The following BMPR2 variants were observed in gnomAD, a reference collection of about 807,000 sequenced individuals.
BMPR2 encodes the protein bone morphogenetic protein receptor type-2.
In BMPR2, 29 loss-of-function variants were observed where a neutral mutation model predicts 100.8. The ratio of observed to expected loss-of-function variants is 0.29; its 90% CI spans 0.21 to 0.39. BMPR2 has a LOEUF of 0.39. Among genes scored for constraint, BMPR2 ranks in the 10% least tolerant of loss-of-function variants. The probability of loss-of-function intolerance (pLI) is 1.00; values close to 1 mark genes in which losing one functional copy is unlikely to be tolerated. For missense variants in BMPR2, 1,011 were observed against 1,274.5 expected (o/e 0.79, Z 3.15); for synonymous variants, 382 against 442.3 (o/e 0.86, Z 1.71).
At chr2:202,415,437 C>T (rs531934200) in intron 1 of BMPR2, among the ~76,000 whole-genome samples, 6 of 152,304 alleles carry the variant, frequency 3.9e-5, no homozygotes, top group African/African-American at 9.6e-5. Flanking sequence ...CGCCATTGCA[C>T]TCCAGCCTGG....
intron 1 of BMPR2, among the ~76,000 whole-genome samples, chr2:202,431,432 C>T (rs1386987007): frequency 6.6e-6 from 1 of 150,622 alleles, no homozygotes; most frequent in African/African-American, 2.5e-5. Context: ...GTTTTCTAAT[C>T]TGTAAAGTGA....
intron 1 of BMPR2, among the ~76,000 whole-genome samples, chr2:202,455,121 T>G (rs2105950824): frequency 6.6e-6 from 1 of 152,338 alleles, no homozygotes; most frequent in South Asian, 2.1e-4. Context: ...TTTCAGTAAG[T>G]GAATTTGAGG....
In BMPR2 at chr2:202,439,902, C is replaced by T. The variant is rs546583396; in HGVS notation, c.77-24907C>T. On this transcript the variant is annotated intron_variant, in intron 1 of 12. Transcript: ENST00000374580. ...CTAGGCAGAGGACCCTGCGGCCTTC[C>T]GCAGTGTTTGTGTCCCTGGGTACTT... Among the ~76,000 whole-genome samples the T allele has an allele frequency of 3.3e-5, 5 of 150,194 alleles. No individual in the cohort carries two copies. The East Asian group carries it at 5.8e-4, about 17-fold the overall frequency.
chr2:202,514,708 A>T (rs1687682841), intron 4 of BMPR2, among the ~76,000 whole-genome samples, 180 bp from the exon 5 acceptor site: 1 of 152,204 alleles, frequency 6.6e-6, no homozygotes, highest in Admixed American at 6.5e-5. Context: ...TTCTGCATTC[A>T]TCTTAATTTA....
At chr2:202,479,338 G>A (rs1692614264) in intron 3 of BMPR2, among the ~76,000 whole-genome samples, 2 of 152,104 alleles carry the variant, frequency 1.3e-5, no homozygotes, top group Non-Finnish European at 2.9e-5. Flanking sequence ...TCTTAGTTGA[G>A]TCTTGAGATG....
At chr2:202,447,064 T>C (rs936395898) in intron 1 of BMPR2, among the ~76,000 whole-genome samples, 46 of 149,432 alleles carry the variant, frequency 3.1e-4, no homozygotes, top group Non-Finnish European at 6.2e-4. Context: ...TCCCAGCACT[T>C]TGGGAGGCCG....
intron 3 of BMPR2, among the ~76,000 whole-genome samples, chr2:202,475,431 T>A (rs1692526661): frequency 6.6e-6 from 1 of 152,110 alleles, no homozygotes; most frequent in Non-Finnish European, 1.5e-5. Flanking sequence ...AATTAAAAAA[T>A]ATATATTAAT....
intron 1 of BMPR2, among the ~76,000 whole-genome samples, chr2:202,396,112 T>A (rs1464109554): frequency 6.6e-6 from 1 of 152,140 alleles, no homozygotes; most frequent in African/African-American, 2.4e-5. Context: ...GGATAGAGGC[T>A]GAGAGGCCTA....
In BMPR2 at chr2:202,556,503, A is replaced by G; in HGVS notation, c.2838A>G (p.Thr946=). The change falls in exon 12 of 13, where the codon ACA becomes ACG. Residue 946 remains threonine, a synonymous_variant. Coordinates refer to ENST00000374580, the MANE Select transcript of BMPR2 (RefSeq NM_001204.7). Reference sequence around the variant, plus strand: ...CTAATTCTCTGGATCTTTCAGCCACAAATGTCCTGGATGGCAGCAGTATAC... The same window carrying G: ...CTAATTCTCTGGATCTTTCAGCCACGAATGTCCTGGATGGCAGCAGTATAC... ...QRPNSLDLSA[T]NVLDGSSIQI... is the part of the protein sequence containing the mutation. 6.2e-7 allele frequency: 1 copy of G among 1,613,770 alleles called. No individual in the cohort carries two copies.
At chr2:202,499,190 T>C (rs1490418474) in intron 3 of BMPR2, among the ~76,000 whole-genome samples, 1 of 152,196 alleles carries the variant, frequency 6.6e-6, no homozygotes, top group Non-Finnish European at 1.5e-5. Flanking sequence ...GGGGAAGTTT[T>C]CAGATGATCC....
chr2:202,545,243 T>C (rs1688356452), intron 10 of BMPR2, among the ~76,000 whole-genome samples: 1 of 1,336 alleles, frequency 7.5e-4, no homozygotes, highest in South Asian at 0.019. Context: ...CCTCCCTTAC[T>C]ACATTTTTCA....
In BMPR2 at chr2:202,567,632, A is replaced by T. The variant is rs1465141053; in HGVS notation, c.*7686A>T. 1 of 152,632 alleles carries T rather than the reference A, an allele frequency of 6.6e-6. No individual in the cohort carries two copies. Among genetic ancestry groups the T allele is most frequent in the Non-Finnish European group, 1.5e-5 (1 of 68,034 alleles). 9.5% of individuals were successfully genotyped at this position (152,632 alleles called of 1,614,324 possible). ...TTGATATATATAAACCTAAATAAAA[A>T]GATTGTATTGATACAGAGACATTGG... On this transcript the variant is annotated 3_prime_UTR_variant, in exon 13 of 13. Coordinates refer to ENST00000374580, the MANE Select transcript of BMPR2 (RefSeq NM_001204.7).
intron 3 of BMPR2, chr2:202,475,247 T>G (rs2105968767): frequency 6.6e-6 from 1 of 152,132 alleles, no homozygotes; most frequent in Middle Eastern, 3.4e-3. Flanking sequence ...TTGGCCAAGC[T>G]GGTCTCGAAC....
intron 7 of BMPR2, among the ~76,000 whole-genome samples, chr2:202,523,542 G>A (rs564670599): frequency 2.0e-5 from 3 of 152,124 alleles, no homozygotes; most frequent in African/African-American, 4.8e-5. Flanking sequence ...GGTGGATTAC[G>A]CCTGTAATCC....
At chr2:202,436,223 G>T (rs980322921) in intron 1 of BMPR2, among the ~76,000 whole-genome samples, 2 of 150,658 alleles carry the variant, frequency 1.3e-5, no homozygotes, top group Admixed American at 1.3e-4. Context: ...GGAGGCTGAG[G>T]CGGGTGAATC....
At chr2:202,470,757 C>G (rs1160744389) in intron 3 of BMPR2, among the ~76,000 whole-genome samples, 2 of 128,602 alleles carry the variant, frequency 1.6e-5, no homozygotes, top group South Asian at 2.4e-4. Flanking sequence ...GGCGACAGAG[C>G]GAGACTCCGT....
At position 202,552,894 on chromosome 2, in the gene BMPR2, A is replaced by T. The variant is rs754305510; in HGVS notation, c.1586+6A>T. The stretch of plus-strand genomic sequence containing the variant: ...ACTGCTATGCAGAATGAACGGTAAG[A>T]CCCTAAGGGGTGTGGCATCTATCAA... On this transcript the variant is annotated splice_donor_region_variant and intron_variant, in intron 11 of 12. Coordinates refer to ENST00000374580, the MANE Select transcript of BMPR2 (RefSeq NM_001204.7). 24 of 1,614,016 alleles carry T rather than the reference A, an allele frequency of 1.5e-5. No individual in the cohort carries two copies. Among genetic ancestry groups the T allele is most frequent in the Non-Finnish European group, 1.7e-5 (20 of 1,180,020 alleles).
chr2:202,551,586 T>C (rs1475796386), intron 10 of BMPR2, among the ~76,000 whole-genome samples: 1 of 152,202 alleles, frequency 6.6e-6, no homozygotes, highest in Non-Finnish European at 1.5e-5. Flanking sequence ...AGGGAGACTA[T>C]TGTTCATTGC....
intron 3 of BMPR2, among the ~76,000 whole-genome samples, chr2:202,499,402 T>C (rs1387208819): frequency 6.6e-6 from 1 of 152,176 alleles, no homozygotes; most frequent in East Asian, 1.9e-4. Flanking sequence ...AATTCCCTAC[T>C]GGTCAGCAAG....
Sources: gnomAD v4.1 joint callset for allele counts (sites outside exome capture counted in the v4.1 genomes callset) on GRCh38, gnomAD v4.1.1 for gene constraint, MANE v1.5 for transcripts, NCBI Gene and HGNC (gene_info 2026-07-23, HGNC 2026-07-21) for gene names.